The following ANKRD36B variants were observed in gnomAD, a reference collection of about 807,000 sequenced individuals.
The protein encoded by ANKRD36B is ankyrin repeat domain 36B.
ANKRD36B carries 37 observed loss-of-function variants against 135.7 expected under a neutral mutation model. The ratio of observed to expected loss-of-function variants is 0.27; its 90% CI spans 0.21 to 0.36. The LOEUF (loss-of-function observed/expected upper bound fraction) is 0.36, where lower values mean the gene tolerates loss of function less well. ANKRD36B is among the 10% of genes least tolerant of loss of function. The probability of loss-of-function intolerance (pLI) is 1.00; values close to 1 mark genes in which losing one functional copy is unlikely to be tolerated. For missense variants in ANKRD36B, 549 were observed against 1,037.1 expected (o/e 0.53, Z 6.46); for synonymous variants, 179 against 348.1 (o/e 0.51, Z 5.41).
At chr2:97,535,940 C>G (rs1223438805) in intron 34 of ANKRD36B, among the ~76,000 whole-genome samples, 1 of 93,438 alleles carries the variant, frequency 1.1e-5, no homozygotes, top group African/African-American at 3.2e-5. Context: ...TGGGGCATAC[C>G]TGTAATCCCA....
At chr2:97,552,953 G>T (rs1484639909) in intron 16 of ANKRD36B, among the ~76,000 whole-genome samples, 2 of 151,850 alleles carry the variant, frequency 1.3e-5, no homozygotes, top group South Asian at 4.1e-4. Context: ...ATTTCAATGT[G>T]GGGAAGTGTA....
Position 97,533,045 on chromosome 2 carries a change from A to T in ANKRD36B, c.2192-661T>A, listed in dbSNP as rs1337925574. Among the ~76,000 whole-genome samples, 53 of 96,878 alleles carry T rather than the reference A, an allele frequency of 5.5e-4. 13 individuals carry two copies. Among genetic ancestry groups the T allele is most frequent in the African/African-American group, 1.5e-3 (49 of 32,310 alleles). 63.6% of individuals were successfully genotyped at this position (96,878 alleles called of 152,430 possible). ...CACAATAGTACCTTTAGAACAGCAC[A>T]TTGAGCCTGCTGTTCATTATTAATC... On this transcript the variant is annotated intron_variant, in intron 34 of 43. Transcript: ENST00000359901.
In ANKRD36B at chr2:97,529,230, G is replaced by A. The variant is rs1218593773; in HGVS notation, c.2265+3081C>T. Among the ~76,000 whole-genome samples, 3 of 94,986 alleles carry A rather than the reference G, an allele frequency of 3.2e-5. 1 individual carries two copies. The highest frequency in any genetic ancestry group is 5.6e-5 in the Non-Finnish European group (2 of 35,788). 62.3% of individuals were successfully genotyped at this position (94,986 alleles called of 152,430 possible). A position where few individuals can be genotyped will look rare whatever the true frequency, so the allele number is the denominator to read the frequency against. ...ATGATCAAGTGGGCTTCATCCCTGG[G>A]ATGCAAGGCTGGTTCAATATACGCA... On this transcript the variant is annotated intron_variant, in intron 35 of 43. Coordinates refer to ENST00000359901, the MANE Select transcript of ANKRD36B (RefSeq NM_001393939.1).
At chr2:97,551,178 G>C in intron 18 of ANKRD36B, 111 bp downstream of exon 18, 1 of 1,396,432 alleles carries the variant, frequency 7.2e-7, no homozygotes. Flanking sequence ...AAGAATCTCA[G>C]GCCTGCTGAG....
chr2:97,572,904 G>A (rs559126775), intron 6 of ANKRD36B, among the ~76,000 whole-genome samples: 4 of 151,466 alleles, frequency 2.6e-5, no homozygotes, highest in Middle Eastern at 3.4e-3. Flanking sequence ...CAAACTGCTC[G>A]TCTGTAGGCT....
At position 97,496,853 on chromosome 2, in the gene ANKRD36B, A is replaced by ATATATATG. The variant is rs1332942249; in HGVS notation, c.*7-3999_*7-3998insCATATATA. ...TGTGTGTATATATATATATATATAT[A>ATATATATG]TATATATCTTTTAAAATATTACTGC... On this transcript the variant is annotated intron_variant, in intron 43 of 43. Coordinates refer to ENST00000359901, the MANE Select transcript of ANKRD36B (RefSeq NM_001393939.1). 1.4e-4 allele frequency among the ~76,000 whole-genome samples: 10 copies of ATATATATG among 72,196 alleles called. 3 individuals are homozygous for ATATATATG. The highest frequency in any genetic ancestry group is 6.4e-4 in the African/African-American group (10 of 15,714). The allele number at this position is 72,196 out of a possible 152,430, so 47.4% of individuals were successfully genotyped here.
chr2:97,589,238 C>T (rs2083240538), intron 1 of ANKRD36B, among the ~76,000 whole-genome samples: 1 of 113,630 alleles, frequency 8.8e-6, no homozygotes, highest in South Asian at 3.3e-4. Flanking sequence ...CATCCACGCC[C>T]CTACCCCCCA....
At position 97,585,229 on chromosome 2, in the gene ANKRD36B, T is replaced by C. The variant is rs1443005946; in HGVS notation, c.276+55A>G. 5 of 1,560,060 alleles carry C rather than the reference T, an allele frequency of 3.2e-6. No individual in the cohort carries two copies. The East Asian group carries it at 1.2e-4, about 37-fold the overall frequency. On this transcript the variant is annotated intron_variant, in intron 2 of 43. Coordinates refer to ENST00000359901, the MANE Select transcript of ANKRD36B (RefSeq NM_001393939.1). ...ATTCCAATGAGATAAATTCATTTTA[T>C]CCTATGTACTTCAACCAAATCCATC... is the stretch of plus-strand genomic sequence containing the variant.
At chr2:97,535,486 AACACACACACACAC>A (rs201309834) in intron 34 of ANKRD36B, among the ~76,000 whole-genome samples, 25 of 108,142 alleles carry the variant, frequency 2.3e-4, no homozygotes, top group African/African-American at 6.0e-4. Flanking sequence ...AAAAAAATAA[AACACACACACACAC>A]ACACACACAC....
chr2:97,556,817 A>G, intron 12 of ANKRD36B, 120 bp downstream of exon 12: 3 of 1,457,036 alleles, frequency 2.1e-6, no homozygotes, highest in Middle Eastern at 2.5e-4. Context: ...GAAATGCACA[A>G]TCTCAGGCCT....
chr2:97,571,390 A>G (rs375274997), intron 6 of ANKRD36B, among the ~76,000 whole-genome samples: 34 of 152,194 alleles, frequency 2.2e-4, no homozygotes, highest in South Asian at 2.1e-3. Context: ...CCTTACACCT[A>G]TAATCCAAAC....
intron 35 of ANKRD36B, among the ~76,000 whole-genome samples, chr2:97,529,334 C>A (rs1456056267): frequency 1.1e-5 from 1 of 95,154 alleles, no homozygotes; most frequent in African/African-American, 3.2e-5. Flanking sequence ...GCAGAAAAGG[C>A]CTTTGATAAA....
intron 6 of ANKRD36B, among the ~76,000 whole-genome samples, chr2:97,562,256 CAT>C (rs1375227727): frequency 1.3e-5 from 2 of 151,572 alleles, no homozygotes; most frequent in African/African-American, 2.4e-5. Flanking sequence ...CATATATATA[CAT>C]ATGTCATGAT....
At position 97,496,457 on chromosome 2, in the gene ANKRD36B, A is replaced by G. The variant is rs1415689143; in HGVS notation, c.*7-3602T>C. On this transcript the variant is annotated intron_variant, in intron 43 of 43. Transcript: ENST00000359901. The stretch of plus-strand genomic sequence containing the variant: ...CAGTTATGCTAAATAACAGATTTTC[A>G]ATGTAGACAAAACAGCATTATACTG... 9.0e-3 allele frequency among the ~76,000 whole-genome samples: 645 copies of G among 71,478 alleles called. 23 individuals are homozygous for G. Among genetic ancestry groups the G allele is most frequent in the Admixed American group, 0.066 (543 of 8,172 alleles). The allele number at this position is 71,478 out of a possible 152,430, so 46.9% of individuals were successfully genotyped here. A position where few individuals can be genotyped will look rare whatever the true frequency, so the allele number is the denominator to read the frequency against.
chr2:97,562,982 T>C (rs912752760), intron 6 of ANKRD36B, among the ~76,000 whole-genome samples: 1 of 152,016 alleles, frequency 6.6e-6, no homozygotes, highest in African/African-American at 2.4e-5. Context: ...CTCAGCAGCC[T>C]ATCTTACCTG....
chr2:97,569,374 A>C (rs540803512), intron 6 of ANKRD36B, among the ~76,000 whole-genome samples: 1 of 152,326 alleles, frequency 6.6e-6, no homozygotes, highest in African/African-American at 2.4e-5. Flanking sequence ...ACATATCAAA[A>C]CTATGGGGAC....
intron 6 of ANKRD36B, among the ~76,000 whole-genome samples, chr2:97,567,442 T>G (rs1171196689): frequency 4.0e-5 from 6 of 151,862 alleles, no homozygotes; most frequent in Non-Finnish European, 7.4e-5. Context: ...ACTATGATGA[T>G]GAGCCCCACC....
At chr2:97,567,240 C>T (rs1167113630) in intron 6 of ANKRD36B, among the ~76,000 whole-genome samples, 5 of 150,184 alleles carry the variant, frequency 3.3e-5, no homozygotes, top group Non-Finnish European at 7.4e-5. Context: ...TCTCCATATG[C>T]CTTCATGTAT....
chr2:97,554,600 C>T (rs964580193), intron 14 of ANKRD36B, among the ~76,000 whole-genome samples: 2 of 151,882 alleles, frequency 1.3e-5, no homozygotes, highest in African/African-American at 4.8e-5. Context: ...CCTCACAACC[C>T]TCTTCCTTGA....
Sources: gnomAD v4.1 joint callset for allele counts (sites outside exome capture counted in the v4.1 genomes callset) on GRCh38, gnomAD v4.1.1 for gene constraint, MANE v1.5 for transcripts, NCBI Gene and HGNC (gene_info 2026-07-23, HGNC 2026-07-21) for gene names.